The following DNAH5 variants were observed in gnomAD, a reference collection of about 807,000 sequenced individuals.
DNAH5 encodes the protein dynein axonemal heavy chain 5, also known as axonemal beta dynein heavy chain 5.
Under a neutral mutation model 518.2 loss-of-function variants are expected in DNAH5, and 372 were observed. That is an observed-to-expected ratio of 0.72 (90% CI 0.66 to 0.78). DNAH5 has a LOEUF of 0.78. DNAH5 is among the 30% of genes least tolerant of loss of function. The pLI is 0.00. For synonymous variants in DNAH5, 2,039 were observed against 2,025.9 expected (o/e 1.01, Z -0.17); for missense variants, 5,523 against 5,687.0 (o/e 0.97, Z 0.93).
chr5:13,950,979 T>C (rs573950847), intron 1 of DNAH5, among the ~76,000 whole-genome samples: 8 of 152,260 alleles, frequency 5.3e-5, no homozygotes, highest in Admixed American at 6.5e-5. Context: ...CATACAAATA[T>C]ACAACCACAA....
rs764527244 is a variant in DNAH5 at position 13,882,832 on chromosome 5, T to C, written c.3175-17A>G. The C allele has an allele frequency of 1.2e-6, 2 of 1,613,894 alleles. No individual in the cohort carries two copies. The highest frequency in any genetic ancestry group is 1.7e-6 in the Non-Finnish European group (2 of 1,179,726). On this transcript the variant is annotated splice_polypyrimidine_tract_variant and intron_variant, in intron 20 of 78. Coordinates refer to ENST00000265104, the MANE Select transcript of DNAH5 (RefSeq NM_001369.3). ...TATCTTTTTCTACAATGTAAAAGGA[T>C]ATTTTTCAGTTCTGTCCTATCTGTA... is the stretch of plus-strand genomic sequence containing the variant.
At chr5:13,709,939 G>A (rs560579432) in intron 75 of DNAH5, among the ~76,000 whole-genome samples, 1 of 152,146 alleles carries the variant, frequency 6.6e-6, no homozygotes, top group African/African-American at 2.4e-5. Context: ...GCCTATTGCC[G>A]GTTTCTCTTC....
intron 31 of DNAH5, among the ~76,000 whole-genome samples, chr5:13,849,043 A>G (rs77815433): frequency 0.029 from 4,397 of 152,284 alleles, 203 homozygotes; most frequent in African/African-American, 0.098. Context: ...CCATGTACGC[A>G]TGGTTTTGTT....
At chr5:13,984,951 T>A (rs906417370) in intron 1 of DNAH5, among the ~76,000 whole-genome samples, 58 of 152,138 alleles carry the variant, frequency 3.8e-4, no homozygotes, top group African/African-American at 1.3e-3. Flanking sequence ...GGAATATAAA[T>A]CATGCTGCTA....
intron 22 of DNAH5, among the ~76,000 whole-genome samples, chr5:13,872,605 C>A (rs1770281467): frequency 6.6e-6 from 1 of 152,106 alleles, no homozygotes; most frequent in African/African-American, 2.4e-5. Flanking sequence ...TGTAAATCAA[C>A]AGTCTAGTTT....
Position 13,923,387 on chromosome 5 carries a change from GT to G in DNAH5, c.330del (p.Lys110AsnfsTer6), listed in dbSNP as rs1777511769. ...GVNLVSGKIK[K>X]PKVFVTEGND... ...TTTCCCTCGGTCACGAACACCTTAG[GT>G]TTTTTAATCTTTCCAGAAACAAGAT... On this transcript the variant is annotated frameshift_variant, in exon 4 of 79. Coordinates refer to ENST00000265104, the MANE Select transcript of DNAH5 (RefSeq NM_001369.3). LOFTEE classifies it high-confidence loss of function. 1 of 1,614,136 alleles carries G rather than the reference GT, an allele frequency of 6.2e-7. No individual in the cohort carries two copies.
intron 43 of DNAH5, among the ~76,000 whole-genome samples, chr5:13,813,824 G>A (rs1233635047): frequency 1.3e-5 from 2 of 152,140 alleles, no homozygotes; most frequent in Non-Finnish European, 2.9e-5. Flanking sequence ...GTTTGAAAAT[G>A]TAATGATATA....
At chr5:13,733,548 TC>T (rs1402184381) in intron 68 of DNAH5, among the ~76,000 whole-genome samples, 1 of 152,170 alleles carries the variant, frequency 6.6e-6, no homozygotes, top group Admixed American at 6.5e-5. Context: ...TGTCACTTAT[TC>T]TGATTTAGGA....
intron 35 of DNAH5, among the ~76,000 whole-genome samples, chr5:13,836,228 T>C (rs1178716131): frequency 6.6e-6 from 1 of 152,068 alleles, no homozygotes; most frequent in Non-Finnish European, 1.5e-5. Context: ...CACGCTAAGG[T>C]TAAATATACT....
intron 29 of DNAH5, 55 bp downstream of exon 29, chr5:13,862,493 A>C: frequency 6.5e-7 from 1 of 1,531,094 alleles, no homozygotes; most frequent in Non-Finnish European, 9.1e-7. Context: ...ATTAATTTTA[A>C]ATGTTTGCTA....
chr5:13,919,388 C>A, intron 6 of DNAH5, 36 bp from the exon 7 acceptor site: 3 of 1,610,558 alleles, frequency 1.9e-6, no homozygotes, highest in Non-Finnish European at 2.5e-6. Flanking sequence ...AGCCATTGCA[C>A]GGGGCTGGAG....
chr5:13,867,872 TA>T lies in DNAH5; in HGVS notation c.3954del (p.Asn1318LysfsTer3). On this transcript the variant is annotated frameshift_variant, in exon 25 of 79. Transcript: ENST00000265104. LOFTEE classifies it high-confidence loss of function. Reference protein sequence around the residue: ...KLLARAGEVQNKLVSLQPSFK... With the variant: ...KLLARAGEVQXKLVSLQPSFK... ...AAACTGGGCTGCAGTGAGACTAATT[TA>T]TTCTGGACTTCGCCAGCACGTGCCA... The T allele has an allele frequency of 6.2e-7, 1 of 1,614,098 alleles. No individual in the cohort carries two copies. The highest frequency in any genetic ancestry group is 8.5e-7 in the Non-Finnish European group (1 of 1,179,982).
chr5:13,723,557 T>C (rs1745330417), intron 70 of DNAH5, among the ~76,000 whole-genome samples: 1 of 152,228 alleles, frequency 6.6e-6, no homozygotes, highest in Non-Finnish European at 1.5e-5. Context: ...GGCCAGATGG[T>C]AAATATTTTA....
rs1344469646 is a variant in DNAH5, at chr5:13,707,934, A to G, written c.13338+189T>C. 6.6e-6 allele frequency among the ~76,000 whole-genome samples: 1 copy of G among 152,164 alleles called. No homozygotes were observed. Among genetic ancestry groups the G allele is most frequent in the Non-Finnish European group, 1.5e-5 (1 of 68,030 alleles). On this transcript the variant is annotated intron_variant, in intron 76 of 78. Transcript: ENST00000265104. This position sits in a 1 kb window ranked among gnomAD's most constrained non-coding sequence, Gnocchi z 4.0. ...TGTAAATGCCCTAGCAGAGAACCTGATTCGTGGGATTTGCTAAAAAAAAAC... is the reference window on the plus strand; with the variant it reads ...TGTAAATGCCCTAGCAGAGAACCTGGTTCGTGGGATTTGCTAAAAAAAAAC...
intron 1 of DNAH5, among the ~76,000 whole-genome samples, chr5:13,931,802 A>G (rs1041559143): frequency 5.9e-5 from 9 of 152,228 alleles, no homozygotes; most frequent in Non-Finnish European, 1.2e-4. Flanking sequence ...CTTATACTGT[A>G]TGATCATACA....
chr5:13,841,559 A>C, intron 33 of DNAH5, 133 bp downstream of exon 33: 2 of 701,330 alleles, frequency 2.9e-6, no homozygotes, highest in Non-Finnish European at 4.9e-6. Context: ...AAGTATATTT[A>C]ATGGGTCCTT....
chr5:13,980,021 G>T (rs1227142826), intron 1 of DNAH5, among the ~76,000 whole-genome samples: 1 of 151,930 alleles, frequency 6.6e-6, no homozygotes, highest in Non-Finnish European at 1.5e-5. Flanking sequence ...TGTATTTAAA[G>T]TAGAGATAGG....
intron 51 of DNAH5, among the ~76,000 whole-genome samples, chr5:13,788,254 A>G (rs2126879348): frequency 6.6e-6 from 1 of 152,338 alleles, no homozygotes; most frequent in Non-Finnish European, 1.5e-5. Flanking sequence ...CCTTTCATTT[A>G]GCAGTGACTA....
chr5:13,919,130 GA>G, intron 7 of DNAH5, 45 bp downstream of exon 7: 4 of 1,611,962 alleles, frequency 2.5e-6, no homozygotes, highest in South Asian at 1.1e-5. Context: ...TATGCATAGA[GA>G]ACTCTTATTC....
Sources: allele counts gnomAD v4.1 joint callset (sites outside exome capture counted in the v4.1 genomes callset), GRCh38; gene constraint gnomAD v4.1.1; non-coding constraint Gnocchi (gnomAD v3.1); transcripts MANE v1.5; gene names NCBI Gene and HGNC (gene_info 2026-07-23, HGNC 2026-07-21).